The following SND1 variants were observed in gnomAD, a reference collection of about 807,000 sequenced individuals.
SND1 encodes staphylococcal nuclease domain-containing protein 1.
SND1 carries 38 observed loss-of-function variants against 121.7 expected under a neutral mutation model. The ratio of observed to expected loss-of-function variants is 0.31; its 90% CI spans 0.24 to 0.41. The LOEUF is 0.41. Among genes scored for constraint, SND1 ranks in the 10% least tolerant of loss-of-function variants. The probability of loss-of-function intolerance (pLI) is 1.00; values close to 1 mark genes in which losing one functional copy is unlikely to be tolerated. For missense variants in SND1, 868 were observed against 1,184.6 expected, an observed-to-expected ratio of 0.73 and a Z score of 3.92; for synonymous variants, 401 against 447.4, an observed-to-expected ratio of 0.90 and a Z score of 1.31.
intron 17 of SND1, among the ~76,000 whole-genome samples, chr7:128,077,277 C>T (rs904016429): frequency 6.6e-6 from 1 of 152,200 alleles, no homozygotes; most frequent in Non-Finnish European, 1.5e-5. Context: ...TCATCACCTG[C>T]CAAGAGAAGG....
chr7:127,662,481 T>C (rs1235745596), intron 1 of SND1, among the ~76,000 whole-genome samples: 1 of 152,250 alleles, frequency 6.6e-6, no homozygotes, highest in Non-Finnish European at 1.5e-5. Context: ...CTTTGTGCTC[T>C]GATGCTAGCG....
In SND1 at chr7:127,893,844, G is replaced by A. The variant is rs1800062610; in HGVS notation, c.1454+5832G>A. Among the ~76,000 whole-genome samples, 3 of 151,956 alleles carry A rather than the reference G, an allele frequency of 2.0e-5. No homozygotes were observed. The South Asian group carries it at 6.2e-4, about 31-fold the overall frequency. On this transcript the variant is annotated intron_variant, in intron 13 of 23. Coordinates refer to ENST00000354725, the MANE Select transcript of SND1 (RefSeq NM_014390.4). ...CTACTTCTCTTCCTGGTCCCCTGAA[G>A]GACTCATTTTTCTGATTCAGCAAAC...
At chr7:128,084,950 T>A (rs878866611) in intron 19 of SND1, 103 bp downstream of exon 19, 3 of 1,223,694 alleles carry the variant, frequency 2.5e-6, no homozygotes, top group Middle Eastern at 2.0e-4. Flanking sequence ...CCCCAGCTGG[T>A]TAATGATGGC....
intron 1 of SND1, among the ~76,000 whole-genome samples, chr7:127,673,389 G>A (rs930812833): frequency 2.0e-5 from 3 of 152,096 alleles, no homozygotes; most frequent in Non-Finnish European, 1.5e-5. Flanking sequence ...TCAGCTCACT[G>A]CAGCCTTTGC....
At chr7:127,775,211 G>T (rs1222243691) in intron 10 of SND1, among the ~76,000 whole-genome samples, 1 of 152,170 alleles carries the variant, frequency 6.6e-6, no homozygotes, top group Non-Finnish European at 1.5e-5. Context: ...CCTTTAAAGG[G>T]AACATGGCCC....
At chr7:127,864,185 A>T (rs1584626999) in intron 12 of SND1, among the ~76,000 whole-genome samples, 1 of 90,494 alleles carries the variant, frequency 1.1e-5, no homozygotes, top group South Asian at 4.5e-4. Context: ...CCCACCCCCC[A>T]CCCCAGGAAA....
intron 10 of SND1, among the ~76,000 whole-genome samples, chr7:127,788,168 C>A (rs531353622): frequency 5.3e-5 from 8 of 152,266 alleles, no homozygotes; most frequent in Admixed American, 1.3e-4. Context: ...TCTAGTCAAC[C>A]CTTTCTCTCT....
In SND1 at chr7:128,092,239, T is replaced by C; in HGVS notation, c.*181T>C. 1 of 623,670 alleles carries C rather than the reference T, an allele frequency of 1.6e-6. No individual in the cohort carries two copies. Among genetic ancestry groups the C allele is most frequent in the Non-Finnish European group, 2.8e-6 (1 of 354,232 alleles). 38.6% of individuals were successfully genotyped at this position (623,670 alleles called of 1,614,324 possible). A position where few individuals can be genotyped will look rare whatever the true frequency, so the allele number is the denominator to read the frequency against. The stretch of plus-strand genomic sequence containing the variant: ...GCGGGGTGGGGACCCCAAGGCTTTC[T>C]GGGGCAGACCCTTGTCCTCTGGGAT... On this transcript the variant is annotated 3_prime_UTR_variant, in exon 24 of 24. Coordinates refer to ENST00000354725, the MANE Select transcript of SND1 (RefSeq NM_014390.4). This position sits in a 1 kb window ranked among gnomAD's most constrained non-coding sequence, Gnocchi z 4.9.
chr7:127,820,373 G>A (rs1798525830), intron 11 of SND1, among the ~76,000 whole-genome samples: 1 of 152,170 alleles, frequency 6.6e-6, no homozygotes, highest in Non-Finnish European at 1.5e-5. Flanking sequence ...CCTATTGCTA[G>A]TGGTGGAGTT....
At chr7:127,720,377 C>T (rs1796471146) in intron 9 of SND1, among the ~76,000 whole-genome samples, 1 of 152,028 alleles carries the variant, frequency 6.6e-6, no homozygotes, top group Non-Finnish European at 1.5e-5. Context: ...TAGTCTGCAG[C>T]TACCTTGTAA....
chr7:127,814,457 A>G (rs1467114551), intron 11 of SND1, among the ~76,000 whole-genome samples: 1 of 152,140 alleles, frequency 6.6e-6, no homozygotes, highest in Non-Finnish European at 1.5e-5. Context: ...TGTGCAGAAT[A>G]TCTTATGTTG....
At chr7:127,726,143 CTG>C (rs1796577899) in intron 10 of SND1, among the ~76,000 whole-genome samples, 1 of 152,210 alleles carries the variant, frequency 6.6e-6, no homozygotes, top group Non-Finnish European at 1.5e-5. Context: ...TGGACAAACA[CTG>C]TGATCAAAGG....
chr7:127,877,725 G>A (rs567240708), intron 12 of SND1, among the ~76,000 whole-genome samples: 26 of 152,118 alleles, frequency 1.7e-4, no homozygotes, highest in South Asian at 1.0e-3. Context: ...GAGCTACCGC[G>A]TCCAGCCGAT....
chr7:127,942,773 C>T (rs1374237994), intron 15 of SND1, among the ~76,000 whole-genome samples: 1 of 152,184 alleles, frequency 6.6e-6, no homozygotes, highest in Non-Finnish European at 1.5e-5. Context: ...TCCCCACTTT[C>T]TCCCTAAAGG....
chr7:127,904,919 C>G, intron 14 of SND1, 100 bp downstream of exon 14: 1 of 784,884 alleles, frequency 1.3e-6, no homozygotes, highest in Non-Finnish European at 2.2e-6. Context: ...CTCTAGCTCG[C>G]TCCTTTTCAG....
intron 16 of SND1, among the ~76,000 whole-genome samples, chr7:127,996,910 C>T (rs1802673678): frequency 6.6e-6 from 1 of 152,192 alleles, no homozygotes; most frequent in Non-Finnish European, 1.5e-5. Flanking sequence ...CATCACCCAC[C>T]AGTGGTCTTT....
chr7:127,922,697 T>A (rs1052304517), intron 14 of SND1, among the ~76,000 whole-genome samples: 1 of 152,186 alleles, frequency 6.6e-6, no homozygotes, highest in African/African-American at 2.4e-5. Flanking sequence ...TGGGCAAGCA[T>A]ACCATTCCTG....
At chr7:127,779,897 G>T (rs921072643) in intron 10 of SND1, among the ~76,000 whole-genome samples, 9 of 152,148 alleles carry the variant, frequency 5.9e-5, no homozygotes, top group African/African-American at 2.2e-4. Context: ...GGCTTCTCTG[G>T]TCCTTTGTGT....
At chr7:127,662,076 A>G (rs1192150643) in intron 1 of SND1, among the ~76,000 whole-genome samples, 1 of 152,068 alleles carries the variant, frequency 6.6e-6, no homozygotes, top group Non-Finnish European at 1.5e-5. Context: ...AGATCATGCC[A>G]CTGCACTGCA....
Sources: gnomAD v4.1 joint callset for allele counts (sites outside exome capture counted in the v4.1 genomes callset) on GRCh38, gnomAD v4.1.1 for gene constraint, Gnocchi (gnomAD v3.1) non-coding constraint, MANE v1.5 for transcripts, NCBI Gene and HGNC (gene_info 2026-07-23, HGNC 2026-07-21) for gene names.